Variants in ZNF215 observed in about 807,000 individuals in gnomAD.
The protein encoded by ZNF215 is BWSCR2-associated zinc finger protein 2.
A neutral mutation model predicts 27.2 loss-of-function variants in ZNF215; 24 were observed. That is an observed-to-expected ratio of 0.88 (90% CI 0.64 to 1.24). The LOEUF is 1.24. Among genes scored for constraint, ZNF215 ranks in the 50% most tolerant of loss-of-function variants. The pLI is 0.00. For synonymous variants in ZNF215, 210 were observed against 204.0 expected (o/e 1.03, Z -0.25); for missense variants, 675 against 605.7 (o/e 1.11, Z -1.20).
At chr11:6,941,529 G>T in intron 3 of ZNF215, 42 bp from the exon 4 acceptor site, 1 of 1,583,066 alleles carries the variant, frequency 6.3e-7, no homozygotes, top group South Asian at 1.1e-5. Flanking sequence ...GTTGCTCCAG[G>T]GCAAAACTTG....
At chr11:6,976,394 G>A (rs1850834608) in intron 5 of ZNF215, among the ~76,000 whole-genome samples, 2 of 151,974 alleles carry the variant, frequency 1.3e-5, no homozygotes, top group South Asian at 4.1e-4. Context: ...GAAAATAAGG[G>A]CACAGTAGAG....
intron 5 of ZNF215, among the ~76,000 whole-genome samples, chr11:6,976,201 T>G (rs1224141468): frequency 6.6e-6 from 1 of 152,084 alleles, no homozygotes; most frequent in African/African-American, 2.4e-5. Context: ...TTAGATTTTT[T>G]CCTATAGAGT....
At chr11:6,958,391 AT>A (rs1227866236), downstream of ZNF215, among the ~76,000 whole-genome samples, 4 of 152,230 alleles carry the variant, frequency 2.6e-5, no homozygotes, top group Admixed American at 2.0e-4. Context: ...TAAAATACTT[AT>A]TTTTTTCTCC....
intron 5 of ZNF215, among the ~76,000 whole-genome samples, chr11:6,980,688 C>T (rs1022379566): frequency 2.0e-5 from 3 of 151,092 alleles, no homozygotes; most frequent in African/African-American, 7.3e-5. Flanking sequence ...ATACATGTGC[C>T]ATGCTGGTGT....
At chr11:6,949,383 T>G (rs1352637607) in intron 6 of ZNF215, among the ~76,000 whole-genome samples, 1 of 152,180 alleles carries the variant, frequency 6.6e-6, no homozygotes, top group Non-Finnish European at 1.5e-5. Context: ...AAAGTGTTCC[T>G]GTTTCTCCAC....
rs1272997549 is a variant in ZNF215 at position 6,956,981 on chromosome 11, G to A, written c.*450G>A. 1 of 988,342 alleles carries A rather than the reference G, an allele frequency of 1.0e-6. No individual in the cohort carries two copies. The highest frequency in any genetic ancestry group is 1.2e-6 in the Non-Finnish European group (1 of 831,812). The allele number at this position is 988,342 out of a possible 1,614,324, so 61.2% of individuals were successfully genotyped here. A position where few individuals can be genotyped will look rare whatever the true frequency, so the allele number is the denominator to read the frequency against. ...ATCATTAGCTCATGCGAATATAAGA[G>A]AATACTTCTAAGGACAGAAATCTCT... On this transcript the variant is annotated 3_prime_UTR_variant, in exon 7 of 7. Coordinates refer to ENST00000278319, the MANE Select transcript of ZNF215 (RefSeq NM_013250.4).
intron 6 of ZNF215, among the ~76,000 whole-genome samples, chr11:6,949,046 AT>A: frequency 6.7e-6 from 1 of 150,112 alleles, no homozygotes; most frequent in East Asian, 2.0e-4. Flanking sequence ...ATGATTTCCA[AT>A]TTCATCCATG....
rs376438882 is a variant in ZNF215, at chr11:6,956,366, A to G, written c.1389A>G (p.Gln463=). The change falls in exon 7 of 7, where the codon CAA becomes CAG. Residue 463 remains glutamine, a synonymous_variant. Coordinates refer to ENST00000278319, the MANE Select transcript of ZNF215 (RefSeq NM_013250.4). Reference sequence around the variant, plus strand: ...TCCATTTTGGAAACAATTTCTATCAATGTGTTAACTGTGGAAAATCCTTCA... The same window carrying G: ...TCCATTTTGGAAACAATTTCTATCAGTGTGTTAACTGTGGAAAATCCTTCA... ...PTLHFGNNFY[Q]CVNCGKSFNR... is the part of the protein sequence containing the mutation. 159 of 1,614,178 alleles carry G rather than the reference A, an allele frequency of 9.9e-5. No homozygotes were observed. Among genetic ancestry groups the G allele is most frequent in the Middle Eastern group, 3.3e-4 (2 of 6,062 alleles).
chr11:6,954,120 C>T (rs1850212588), intron 6 of ZNF215, among the ~76,000 whole-genome samples: 2 of 152,060 alleles, frequency 1.3e-5, no homozygotes, highest in Admixed American at 6.5e-5. Flanking sequence ...AATACCCGGC[C>T]GTGTGAGATG....
At chr11:6,987,582 G>A (rs1292097038), downstream of ZNF215, among the ~76,000 whole-genome samples, 3 of 152,112 alleles carry the variant, frequency 2.0e-5, no homozygotes, top group South Asian at 2.1e-4. Context: ...ATAGGCATCT[G>A]GTATGTATAT....
downstream of ZNF215, among the ~76,000 whole-genome samples, chr11:6,985,022 A>AG (rs1275207423): frequency 6.6e-6 from 1 of 152,134 alleles, no homozygotes; most frequent in African/African-American, 2.4e-5. Flanking sequence ...AAAATTGAGG[A>AG]GGGGGGCTCC....
intron 3 of ZNF215, among the ~76,000 whole-genome samples, chr11:6,941,193 G>C (rs1849621297): frequency 1.3e-5 from 2 of 152,210 alleles, no homozygotes; most frequent in African/African-American, 2.4e-5. Flanking sequence ...GGATTGGTTG[G>C]ATAAAATATT....
chr11:6,932,263 A>T lies in ZNF215; in HGVS notation c.-10A>T, dbSNP rs765020443. ...GGATTTGAACTACTGTGGGAGTTCT[A>T]TTTAGGAAGATGCAGCCTCTGAGCA... On this transcript the variant is annotated 5_prime_UTR_variant, in exon 3 of 7. Coordinates refer to ENST00000278319, the MANE Select transcript of ZNF215 (RefSeq NM_013250.4). 6.2e-7 allele frequency: 1 copy of T among 1,611,256 alleles called. No individual in the cohort carries two copies. Among genetic ancestry groups the T allele is most frequent in the Non-Finnish European group, 8.5e-7 (1 of 1,178,678 alleles).
downstream of ZNF215, among the ~76,000 whole-genome samples, chr11:6,958,733 C>T (rs372131131): frequency 1.5e-4 from 23 of 152,266 alleles, no homozygotes; most frequent in African/African-American, 5.5e-4. Flanking sequence ...ACATAAGAGT[C>T]CAAGTCCCAA....
rs908179963 is a variant in ZNF215 at position 6,952,470 on chromosome 11, T to A, written c.713-3220T>A. ...TAGTTAGCTCTTCTTGTTGAATTGA[T>A]CCTTTTACCATTATGTAATGGCCTT... On this transcript the variant is annotated intron_variant, in intron 6 of 6. Transcript: ENST00000278319. Among the ~76,000 whole-genome samples, 146 of 152,278 alleles carry A rather than the reference T, an allele frequency of 9.6e-4. 1 individual carries two copies. The highest frequency in any genetic ancestry group is 3.4e-3 in the African/African-American group (141 of 41,546).
chr11:6,938,441 A>G (rs1426417513), intron 3 of ZNF215, among the ~76,000 whole-genome samples: 1 of 152,112 alleles, frequency 6.6e-6, no homozygotes, highest in Non-Finnish European at 1.5e-5. Context: ...AAAAAATTAA[A>G]CATAGAATTA....
downstream of ZNF215, among the ~76,000 whole-genome samples, chr11:6,986,217 T>A (rs533441214): frequency 1.3e-5 from 2 of 152,010 alleles, no homozygotes; most frequent in South Asian, 4.1e-4. Flanking sequence ...AATCCAGAAA[T>A]AAAGCCACAT....
intron 5 of ZNF215, among the ~76,000 whole-genome samples, chr11:6,981,943 G>T (rs1850961538): frequency 6.6e-6 from 1 of 152,020 alleles, no homozygotes; most frequent in Non-Finnish European, 1.5e-5. Context: ...ATTTCTGGGG[G>T]CTCTGTTGTG....
intron 5 of ZNF215, among the ~76,000 whole-genome samples, chr11:6,967,932 T>C (rs1218617485): frequency 6.6e-6 from 1 of 152,176 alleles, no homozygotes; most frequent in Non-Finnish European, 1.5e-5. Context: ...CTTACGTTTG[T>C]CTTTAATCCA....
Sources: allele counts gnomAD v4.1 joint callset (sites outside exome capture counted in the v4.1 genomes callset), GRCh38; gene constraint gnomAD v4.1.1; transcripts MANE v1.5; gene names NCBI Gene and HGNC (gene_info 2026-07-23, HGNC 2026-07-21).